PLOD2: variants seen among roughly 807,000 people sequenced by gnomAD.
PLOD2 encodes procollagen-lysine,2-oxoglutarate 5-dioxygenase 2.
Under a neutral mutation model 101.0 loss-of-function variants are expected in PLOD2, and 65 were observed. The ratio of observed to expected loss-of-function variants is 0.64; its 90% CI spans 0.53 to 0.79. The LOEUF is 0.79. Ranked by LOEUF, PLOD2 falls within the 30% of genes least tolerant of loss-of-function variation. PLOD2 has a pLI of 0.00. For synonymous variants in PLOD2, 314 were observed against 302.9 expected, an observed-to-expected ratio of 1.04 and a Z score of -0.38; for missense variants, 909 against 914.6, an observed-to-expected ratio of 0.99 and a Z score of 0.08.
intron 3 of PLOD2, among the ~76,000 whole-genome samples, chr3:146,111,534 C>T (rs936755050): frequency 6.6e-6 from 1 of 152,026 alleles, no homozygotes; most frequent in Non-Finnish European, 1.5e-5. Flanking sequence ...AAACACTGAA[C>T]AAAGTTAAAA....
intron 4 of PLOD2, 81 bp downstream of exon 4, chr3:146,110,204 A>G (rs1212056272): frequency 8.3e-7 from 1 of 1,202,856 alleles, no homozygotes; most frequent in East Asian, 2.3e-5. Flanking sequence ...CTTCATATCT[A>G]AAGTTACTAC....
At chr3:146,093,423 T>C (rs1161277505) in intron 7 of PLOD2, among the ~76,000 whole-genome samples, 1 of 152,194 alleles carries the variant, frequency 6.6e-6, no homozygotes, top group Non-Finnish European at 1.5e-5. Context: ...AGAGTCAATG[T>C]GGTCATTTTA....
At position 146,102,866 on chromosome 3, in the gene PLOD2, A is replaced by T; in HGVS notation, c.680-14T>A. On this transcript the variant is annotated splice_polypyrimidine_tract_variant and intron_variant, in intron 6 of 19. Transcript: ENST00000282903. Reference sequence around the variant, plus strand: ...AAACAACTTCATCTGGGTTAAAAAGAGAAAATAGGCTTTAGTAATTTAAAA... The same window carrying T: ...AAACAACTTCATCTGGGTTAAAAAGTGAAAATAGGCTTTAGTAATTTAAAA... 1 of 1,343,996 alleles carries T rather than the reference A, an allele frequency of 7.4e-7. No individual in the cohort carries two copies. The highest frequency in any genetic ancestry group is 1.1e-6 in the Non-Finnish European group (1 of 933,898). 83.3% of individuals were successfully genotyped at this position (1,343,996 alleles called of 1,614,324 possible).
chr3:146,103,826 T>TACAC (rs3059069), intron 6 of PLOD2, among the ~76,000 whole-genome samples: 193 of 146,608 alleles, frequency 1.3e-3, no homozygotes, highest in African/African-American at 4.6e-3. Flanking sequence ...CACGAGCATG[T>TACAC]ACACACACAC....
At chr3:146,100,166 C>T (rs960546147) in intron 7 of PLOD2, among the ~76,000 whole-genome samples, 1 of 152,166 alleles carries the variant, frequency 6.6e-6, no homozygotes, top group Non-Finnish European at 1.5e-5. Context: ...CAGGTGTGAG[C>T]CACCATGCCC....
At chr3:146,092,071 G>A (rs986487556) in intron 7 of PLOD2, among the ~76,000 whole-genome samples, 170 bp from the exon 8 acceptor site, 1 of 150,788 alleles carries the variant, frequency 6.6e-6, no homozygotes, top group South Asian at 2.1e-4. Flanking sequence ...TCCAGAATAT[G>A]AATTGTAAAG....
intron 14 of PLOD2, 163 bp from the exon 15 acceptor site, chr3:146,077,058 C>T (rs1936372161): frequency 6.2e-6 from 8 of 1,296,102 alleles, no homozygotes; most frequent in South Asian, 2.0e-5. Context: ...AAATAAAAAA[C>T]TCAAATTTTG....
intron 7 of PLOD2, among the ~76,000 whole-genome samples, chr3:146,101,398 G>A (rs1179115858): frequency 1.3e-5 from 2 of 152,220 alleles, no homozygotes; most frequent in Non-Finnish European, 2.9e-5. Flanking sequence ...GAACCATAGA[G>A]ATTGAAGAGG....
chr3:146,114,417 T>G (rs533572762), intron 3 of PLOD2, among the ~76,000 whole-genome samples: 3 of 152,116 alleles, frequency 2.0e-5, no homozygotes, highest in Admixed American at 6.6e-5. Flanking sequence ...AAACCCAAAT[T>G]ATCCTCGAAG....
chr3:146,147,782 A>G (rs2031855565), intron 1 of PLOD2, among the ~76,000 whole-genome samples: 1 of 152,210 alleles, frequency 6.6e-6, no homozygotes, highest in South Asian at 2.1e-4. Context: ...TATCTAATTC[A>G]GTGATGTATA....
rs2030119115 is a variant in PLOD2 at position 146,121,250 on chromosome 3, T to C, written c.202-2A>G. 6.2e-7 allele frequency: 1 copy of C among 1,611,670 alleles called. No homozygotes were observed. The highest frequency in any genetic ancestry group is 1.3e-5 in the African/African-American group (1 of 74,810). The stretch of plus-strand genomic sequence containing the variant: ...CCATTCTTCTCCTTGACCAAGGACC[T>C]ATAAACAAAATCAACATTTCATTCC... On this transcript the variant is annotated splice_acceptor_variant, in intron 2 of 19. Transcript: ENST00000282903. LOFTEE classifies it high-confidence loss of function.
At chr3:146,139,683 T>C (rs920902902) in intron 1 of PLOD2, among the ~76,000 whole-genome samples, 1 of 152,154 alleles carries the variant, frequency 6.6e-6, no homozygotes, top group African/African-American at 2.4e-5. Context: ...ATTTTCTCTC[T>C]TTTTCAAACC....
chr3:146,100,490 AC>A (rs554216591), intron 7 of PLOD2, among the ~76,000 whole-genome samples: 14 of 152,296 alleles, frequency 9.2e-5, no homozygotes, highest in Non-Finnish European at 1.8e-4. Context: ...CATACAAGAG[AC>A]CCAAAAAGTA....
intron 19 of PLOD2, 64 bp from the exon 20 acceptor site, chr3:146,070,936 T>C (rs761188960): frequency 7.2e-6 from 11 of 1,525,114 alleles, no homozygotes; most frequent in Non-Finnish European, 9.9e-6. Flanking sequence ...ATTCAAATTA[T>C]GTCATTTGAG....
At chr3:146,134,779 G>A (rs2031130853) in intron 1 of PLOD2, among the ~76,000 whole-genome samples, 1 of 152,222 alleles carries the variant, frequency 6.6e-6, no homozygotes, top group Non-Finnish European at 1.5e-5. Flanking sequence ...TTGCCCTGGA[G>A]CAGAAAGCTT....
At chr3:146,085,126 T>C in intron 11 of PLOD2, 43 bp downstream of exon 11, 1 of 913,016 alleles carries the variant, frequency 1.1e-6, no homozygotes, top group Non-Finnish European at 1.8e-6. Context: ...ATATGAAAAA[T>C]AATCATTTTA....
At chr3:146,089,696 T>G (rs1248612008) in intron 8 of PLOD2, among the ~76,000 whole-genome samples, 1 of 151,632 alleles carries the variant, frequency 6.6e-6, no homozygotes, top group Admixed American at 6.6e-5. Flanking sequence ...ACTATCATAT[T>G]TCTTCATCTA....
intron 17 of PLOD2, among the ~76,000 whole-genome samples, chr3:146,071,885 T>C (rs1936152946): frequency 6.6e-6 from 1 of 151,702 alleles, no homozygotes; most frequent in Admixed American, 6.6e-5. Context: ...TTTTGAATGA[T>C]TGCTTTTCAT....
At position 146,070,864 on chromosome 3, in the gene PLOD2, A is replaced by C; in HGVS notation, c.2130T>G (p.Gly710=). The C allele has an allele frequency of 6.2e-7, 1 of 1,608,504 alleles. No individual in the cohort carries two copies. The highest frequency in any genetic ancestry group is 8.5e-7 in the Non-Finnish European group (1 of 1,176,108). Residue 710 remains glycine (G), a synonymous_variant, in exon 20 of 20, where the codon GGT becomes GGG. Transcript: ENST00000282903. ...AGCAATTGTACCTTAGAAATTTGCA[A>C]CCACCTCCCTAAAAAAGTTAAAATG... ...NNVGEDFQGG[G]CKFLRYNCSI...
Sources: gnomAD v4.1 joint callset for allele counts (sites outside exome capture counted in the v4.1 genomes callset) on GRCh38, gnomAD v4.1.1 for gene constraint, MANE v1.5 for transcripts, NCBI Gene and HGNC (gene_info 2026-07-23, HGNC 2026-07-21) for gene names.